The following APBA1 variants were observed in gnomAD, a reference collection of about 807,000 sequenced individuals.
APBA1 encodes amyloid beta precursor protein binding family A member 1.
APBA1 carries 55 observed loss-of-function variants against 86.6 expected under a neutral mutation model. That is an observed-to-expected ratio of 0.64 (90% CI 0.51 to 0.80). The LOEUF (loss-of-function observed/expected upper bound fraction) is 0.80, where lower values mean the gene tolerates loss of function less well. Ranked by LOEUF, APBA1 falls within the 30% of genes least tolerant of loss-of-function variation. APBA1 has a pLI of 0.00. For synonymous variants in APBA1, 511 were observed against 493.9 expected (o/e 1.03, Z -0.46); for missense variants, 1,090 against 1,183.0 (o/e 0.92, Z 1.15).
intron 2 of APBA1, among the ~76,000 whole-genome samples, chr9:69,481,545 C>A (rs1163683457): frequency 1.3e-5 from 2 of 151,516 alleles, no homozygotes; most frequent in African/African-American, 4.9e-5. Context: ...GTCATACTGC[C>A]CAAGGTAATT....
chr9:69,564,280 A>G (rs937767992), intron 1 of APBA1, among the ~76,000 whole-genome samples: 2 of 152,200 alleles, frequency 1.3e-5, no homozygotes, highest in African/African-American at 4.8e-5. Context: ...ATACCAAATG[A>G]CAATCTCCTT....
rs1459939035 is a variant in APBA1, at chr9:69,636,963, G to GAAAA, written c.-70+35189_-70+35190insTTTT. ...AGAAAGAAAGAAAGAAAGAAAGAAAGAAAGAAAGAAAGAAAGAAAGAAAAA... is the reference window on the plus strand; with the variant it reads ...AGAAAGAAAGAAAGAAAGAAAGAAAGAAAAAAAGAAAGAAAGAAAGAAAGAAAAA... On this transcript the variant is annotated intron_variant, in intron 1 of 12. Transcript: ENST00000265381. Among the ~76,000 whole-genome samples the GAAAA allele has an allele frequency of 4.0e-5, 6 of 151,252 alleles. No homozygotes were observed. In the South Asian group the frequency reaches 1.1e-3, roughly 27 times the overall value.
intron 1 of APBA1, among the ~76,000 whole-genome samples, chr9:69,555,178 CA>C (rs1365953864): frequency 5.3e-5 from 8 of 152,150 alleles, no homozygotes; most frequent in Non-Finnish European, 7.4e-5. Flanking sequence ...GTTTTAATAA[CA>C]TTTGTGCAAT....
rs116184341 is a variant in APBA1 at position 69,526,205 on chromosome 9, C to T, written c.-69-8926G>A. 7.1e-3 allele frequency among the ~76,000 whole-genome samples: 1,074 copies of T among 152,132 alleles called. 8 individuals are homozygous for T. Among genetic ancestry groups the T allele is most frequent in the African/African-American group, 0.024 (1,004 of 41,518 alleles). ...AGTCCTCAAAAGCAATAGCAACAAA[C>T]ACAAAGATTGACAAGTGGAACATAA... is the stretch of plus-strand genomic sequence containing the variant. On this transcript the variant is annotated intron_variant, in intron 1 of 12. Coordinates refer to ENST00000265381, the MANE Select transcript of APBA1 (RefSeq NM_001163.4).
At chr9:69,660,471 A>G (rs1021718313) in intron 1 of APBA1, among the ~76,000 whole-genome samples, 1 of 152,174 alleles carries the variant, frequency 6.6e-6, no homozygotes, top group Non-Finnish European at 1.5e-5. Context: ...TTTAGTTATC[A>G]TCTAACAAGC....
At chr9:69,644,855 A>T (rs1023073054) in intron 1 of APBA1, among the ~76,000 whole-genome samples, 15 of 152,210 alleles carry the variant, frequency 9.9e-5, no homozygotes, top group African/African-American at 3.4e-4. Flanking sequence ...CTTCAAGAAG[A>T]TGTCTGGTAG....
intron 1 of APBA1, among the ~76,000 whole-genome samples, chr9:69,635,499 A>G (rs1044809580): frequency 1.3e-5 from 2 of 152,186 alleles, no homozygotes; most frequent in African/African-American, 4.8e-5. Flanking sequence ...CTTACTTATC[A>G]ATAATAACAT....
At chr9:69,559,532 G>A (rs1386891210) in intron 1 of APBA1, among the ~76,000 whole-genome samples, 1 of 152,120 alleles carries the variant, frequency 6.6e-6, no homozygotes, top group Non-Finnish European at 1.5e-5. Flanking sequence ...GACTATTGTT[G>A]TTATCACTTT....
intron 1 of APBA1, among the ~76,000 whole-genome samples, chr9:69,658,785 C>G (rs1823694562): frequency 6.6e-6 from 1 of 152,008 alleles, no homozygotes; most frequent in Non-Finnish European, 1.5e-5. Flanking sequence ...ACTTGCTTCA[C>G]CCTTTCATGT....
chr9:69,467,628 T>C (rs1238702595), intron 5 of APBA1, among the ~76,000 whole-genome samples, 195 bp downstream of exon 5: 1 of 152,234 alleles, frequency 6.6e-6, no homozygotes, highest in African/African-American at 2.4e-5. Context: ...AAATAGATCA[T>C]GTTTGTATAT....
intron 1 of APBA1, among the ~76,000 whole-genome samples, chr9:69,618,273 C>T: frequency 6.6e-6 from 1 of 152,188 alleles, no homozygotes; most frequent in East Asian, 1.9e-4. Flanking sequence ...CATTGGCTCC[C>T]TACAGAAGCC....
intron 1 of APBA1, among the ~76,000 whole-genome samples, chr9:69,619,893 C>T (rs1822780672): frequency 6.6e-6 from 1 of 152,172 alleles, no homozygotes; most frequent in African/African-American, 2.4e-5. Flanking sequence ...GCAACTTTTC[C>T]ATTCCATGTT....
rs1834942027 is a variant in APBA1, at chr9:69,448,081, C to T, written c.2181+1503G>A. Among the ~76,000 whole-genome samples the T allele has an allele frequency of 3.3e-5, 5 of 152,222 alleles. No homozygotes were observed. In the South Asian group the frequency reaches 1.0e-3, roughly 32 times the overall value. ...CAGCCGTTCCGGGCCAGGCTCAGAC[C>T]CCATCTCTCCCTGACTCAACACCGG... On this transcript the variant is annotated intron_variant, in intron 10 of 12. Coordinates refer to ENST00000265381, the MANE Select transcript of APBA1 (RefSeq NM_001163.4).
At chr9:69,523,526 T>A in intron 1 of APBA1, among the ~76,000 whole-genome samples, 1 of 44,914 alleles carries the variant, frequency 2.2e-5, no homozygotes, top group African/African-American at 6.2e-5. Flanking sequence ...TATATATATA[T>A]ATATATAGAC....
intron 2 of APBA1, among the ~76,000 whole-genome samples, chr9:69,513,557 C>T (rs1836086568): frequency 6.6e-6 from 1 of 152,222 alleles, no homozygotes. Context: ...TCCCTCCTAG[C>T]TGGGAGGAAT....
At position 69,472,278 on chromosome 9, in the gene APBA1, T is replaced by A. The variant is rs187208580; in HGVS notation, c.1297-583A>T. ...AGGAGTAAATTAAAAACCCTGGAAT[T>A]TCTTTTGCACCTCAGAGCAAAGGTC... On this transcript the variant is annotated intron_variant, in intron 3 of 12. Transcript: ENST00000265381. Among the ~76,000 whole-genome samples, 6 of 152,310 alleles carry A rather than the reference T, an allele frequency of 3.9e-5. 1 individual carries two copies. The highest frequency in any genetic ancestry group is 1.4e-4 in the African/African-American group (6 of 41,562).
At chr9:69,659,531 C>A (rs185871131) in intron 1 of APBA1, among the ~76,000 whole-genome samples, 1 of 152,176 alleles carries the variant, frequency 6.6e-6, no homozygotes, top group Non-Finnish European at 1.5e-5. Context: ...ATCACCCCAT[C>A]GCCTCTGCAT....
At chr9:69,432,750 G>GC in intron 11 of APBA1, 74 bp from the exon 12 acceptor site, 1 of 1,349,672 alleles carries the variant, frequency 7.4e-7, no homozygotes, top group Non-Finnish European at 9.7e-7. Flanking sequence ...TTTCCTGAAA[G>GC]CCCCCTGCCC....
chr9:69,511,432 G>A (rs1484062983), intron 2 of APBA1, among the ~76,000 whole-genome samples: 2 of 152,170 alleles, frequency 1.3e-5, no homozygotes, highest in South Asian at 2.1e-4. Context: ...AACAGGTGCT[G>A]GAGAGGATGT....
Sources: gnomAD v4.1 joint callset for allele counts (sites outside exome capture counted in the v4.1 genomes callset) on GRCh38, gnomAD v4.1.1 for gene constraint, MANE v1.5 for transcripts, NCBI Gene and HGNC (gene_info 2026-07-23, HGNC 2026-07-21) for gene names.